Variants in CACNA2D3 observed in about 807,000 individuals in gnomAD.
CACNA2D3 encodes the protein voltage-dependent calcium channel subunit alpha-2/delta-3.
In CACNA2D3, 60 loss-of-function variants were observed where a neutral mutation model predicts 160.6. The observed-to-expected ratio is 0.37, with a 90% CI of 0.30 to 0.46. The LOEUF (loss-of-function observed/expected upper bound fraction) is 0.46, where lower values mean the gene tolerates loss of function less well. CACNA2D3 is among the 20% of genes least tolerant of loss of function. The pLI is 1.00. For synonymous variants in CACNA2D3, 558 were observed against 492.9 expected, an observed-to-expected ratio of 1.13 and a Z score of -1.75; for missense variants, 1,205 against 1,365.0, an observed-to-expected ratio of 0.88 and a Z score of 1.85.
chr3:54,382,652 C>T (rs981073437), intron 3 of CACNA2D3, among the ~76,000 whole-genome samples: 67 of 152,120 alleles, frequency 4.4e-4, no homozygotes, highest in African/African-American at 1.5e-3. Context: ...GGAGTGATGG[C>T]GCATGCCTGT....
At chr3:54,478,876 ATTAC>A (rs1700886749) in intron 4 of CACNA2D3, among the ~76,000 whole-genome samples, 2 of 150,746 alleles carry the variant, frequency 1.3e-5, no homozygotes, top group African/African-American at 4.9e-5. Flanking sequence ...ATAATTACTT[ATTAC>A]TTATTGTTAA....
intron 2 of CACNA2D3, among the ~76,000 whole-genome samples, chr3:54,208,469 T>C (rs866930102): frequency 3.9e-5 from 6 of 152,328 alleles, no homozygotes; most frequent in Admixed American, 2.6e-4. Flanking sequence ...TGGTTTCCAA[T>C]AGCCCTGGGC....
At chr3:54,578,329 C>A (rs1464634328) in intron 8 of CACNA2D3, among the ~76,000 whole-genome samples, 5 of 152,144 alleles carry the variant, frequency 3.3e-5, no homozygotes, top group Non-Finnish European at 5.9e-5. Context: ...AAGAGGTGAC[C>A]AAATCTTGAG....
chr3:54,925,048 C>T (rs776613792), intron 27 of CACNA2D3: 7 of 1,614,112 alleles, frequency 4.3e-6, no homozygotes, highest in Non-Finnish European at 5.9e-6. Context: ...ATCTGATTAT[C>T]TTGTAAATGC....
chr3:54,836,240 TTG>T (rs1434455290), intron 14 of CACNA2D3, among the ~76,000 whole-genome samples: 12 of 134,956 alleles, frequency 8.9e-5, no homozygotes, highest in African/African-American at 3.2e-4. Context: ...TTTTTTTTTT[TTG>T]TTTTTGTTTT....
chr3:54,523,465 CAT>C (rs1701678554), intron 5 of CACNA2D3, among the ~76,000 whole-genome samples: 2 of 152,062 alleles, frequency 1.3e-5, no homozygotes, highest in Admixed American at 1.3e-4. Flanking sequence ...TTTTTGCAGT[CAT>C]ATTTATAAAA....
chr3:54,803,116 A>G lies in CACNA2D3; in HGVS notation c.1381-13737A>G, dbSNP rs139717929. On this transcript the variant is annotated intron_variant, in intron 13 of 37. Transcript: ENST00000474759. Reference sequence around the variant, plus strand: ...AAAACCACAAAGATGGGGAAAAAACAGAGCAGAAAAAAAGGAAACTCTAAA... The same window carrying G: ...AAAACCACAAAGATGGGGAAAAAACGGAGCAGAAAAAAAGGAAACTCTAAA... Among the ~76,000 whole-genome samples, 266 of 152,368 alleles carry G rather than the reference A, an allele frequency of 1.7e-3. 1 individual carries two copies. Among genetic ancestry groups the G allele is most frequent in the African/African-American group, 6.2e-3 (257 of 41,588 alleles).
At chr3:54,774,293 G>A (rs748944117) in intron 13 of CACNA2D3, among the ~76,000 whole-genome samples, 13 of 152,124 alleles carry the variant, frequency 8.5e-5, no homozygotes, top group South Asian at 2.1e-4. Context: ...TCAGGGTTCC[G>A]CAGGCTATGT....
rs1399099591 is a variant in CACNA2D3, at chr3:54,732,683, A to G, written c.1168-19916A>G. ...AGTACTTTCTCATTCTCTCAGTCTGAAGTGATTATTCAGAGCCTCCTTAGG... is the reference window on the plus strand; with the variant it reads ...AGTACTTTCTCATTCTCTCAGTCTGGAGTGATTATTCAGAGCCTCCTTAGG... On this transcript the variant is annotated intron_variant, in intron 11 of 37. Transcript: ENST00000474759. Among the ~76,000 whole-genome samples, 3 of 152,100 alleles carry G rather than the reference A, an allele frequency of 2.0e-5. No homozygotes were observed. In the East Asian group the frequency reaches 5.8e-4, roughly 29 times the overall value.
chr3:54,809,593 C>T (rs1163311634), intron 13 of CACNA2D3, among the ~76,000 whole-genome samples: 2 of 145,636 alleles, frequency 1.4e-5, no homozygotes, highest in East Asian at 2.0e-4. Flanking sequence ...GCTGGGATTA[C>T]AGGCGTGAGC....
chr3:54,245,582 A>C (rs771270029), intron 2 of CACNA2D3, among the ~76,000 whole-genome samples: 1 of 152,166 alleles, frequency 6.6e-6, no homozygotes, highest in Non-Finnish European at 1.5e-5. Flanking sequence ...ACCTTGGGCT[A>C]AAGCATGGGT....
intron 11 of CACNA2D3, among the ~76,000 whole-genome samples, chr3:54,699,972 G>C (rs1205742259): frequency 1.3e-5 from 2 of 152,172 alleles, no homozygotes; most frequent in African/African-American, 4.8e-5. Context: ...TTGTGTGGGT[G>C]CTGATGTGCT....
chr3:54,211,814 T>C (rs1701377116), intron 2 of CACNA2D3, among the ~76,000 whole-genome samples: 1 of 152,228 alleles, frequency 6.6e-6, no homozygotes, highest in African/African-American at 2.4e-5. Flanking sequence ...AGAGTTATTT[T>C]ATAAAAATAT....
intron 5 of CACNA2D3, among the ~76,000 whole-genome samples, chr3:54,534,204 C>T (rs1319828240): frequency 3.3e-5 from 5 of 152,274 alleles, no homozygotes; most frequent in Admixed American, 2.6e-4. Context: ...AGTCTTTTCT[C>T]GACATCTCAA....
At position 54,771,348 on chromosome 3, in the gene CACNA2D3, T is replaced by G. The variant is rs755520151; in HGVS notation, c.1380+6997T>G. On this transcript the variant is annotated intron_variant, in intron 13 of 37. Transcript: ENST00000474759. ...CAGCACAAGTGTATCATCTCCAGGT[T>G]GCCATGGATCAAAAGTCTCAGCACA... 3.3e-5 allele frequency among the ~76,000 whole-genome samples: 5 copies of G among 152,176 alleles called. 1 individual carries two copies. The highest frequency in any genetic ancestry group is 7.3e-5 in the Non-Finnish European group (5 of 68,036).
intron 2 of CACNA2D3, among the ~76,000 whole-genome samples, chr3:54,277,605 C>G (rs1702776162): frequency 6.6e-6 from 1 of 152,016 alleles, no homozygotes; most frequent in South Asian, 2.1e-4. Context: ...TGCCTTGGCT[C>G]TACGGGCTTT....
At chr3:54,811,590 C>CA (rs926632834) in intron 13 of CACNA2D3, among the ~76,000 whole-genome samples, 3 of 149,214 alleles carry the variant, frequency 2.0e-5, no homozygotes, top group African/African-American at 7.4e-5. Context: ...CTCCGCCTCC[C>CA]AGGTACAAGC....
chr3:54,975,564 G>T (rs1702371972), intron 29 of CACNA2D3, among the ~76,000 whole-genome samples: 1 of 150,224 alleles, frequency 6.7e-6, no homozygotes. Flanking sequence ...GGCCCCCTTT[G>T]GTGGAAATGG....
At chr3:55,019,130 G>A (rs993058432) in intron 35 of CACNA2D3, among the ~76,000 whole-genome samples, 23 of 128,520 alleles carry the variant, frequency 1.8e-4, no homozygotes, top group Admixed American at 1.3e-3. Flanking sequence ...GTCTAGTCAT[G>A]GGCTGAGTTC....
Sources: gnomAD v4.1 joint callset for allele counts (sites outside exome capture counted in the v4.1 genomes callset) on GRCh38, gnomAD v4.1.1 for gene constraint, MANE v1.5 for transcripts, NCBI Gene and HGNC (gene_info 2026-07-23, HGNC 2026-07-21) for gene names.